Variants in PRKCE observed in about 807,000 individuals in gnomAD.
PRKCE encodes the protein protein kinase C epsilon.
In PRKCE, 16 loss-of-function variants were observed where a neutral mutation model predicts 85.4. That is an observed-to-expected ratio of 0.19 (90% CI 0.13 to 0.28). PRKCE has a LOEUF of 0.28. PRKCE is among the 10% of genes least tolerant of loss of function. The probability of loss-of-function intolerance (pLI) is 1.00; values close to 1 mark genes in which losing one functional copy is unlikely to be tolerated. For missense variants in PRKCE, 573 were observed against 975.2 expected (o/e 0.59, Z 5.49); for synonymous variants, 388 against 371.5 (o/e 1.04, Z -0.51).
intron 1 of PRKCE, among the ~76,000 whole-genome samples, chr2:45,797,413 C>G (rs1167578407): frequency 1.3e-5 from 2 of 152,242 alleles, no homozygotes; most frequent in Non-Finnish European, 2.9e-5. Context: ...TCAGTTTACA[C>G]CTGTGGACCC....
chr2:45,703,186 A>G (rs555535940), intron 1 of PRKCE, among the ~76,000 whole-genome samples: 21 of 151,922 alleles, frequency 1.4e-4, no homozygotes, highest in Admixed American at 7.9e-4. Flanking sequence ...GTTAGAGGCC[A>G]CAGTGCTGTT....
chr2:45,912,070 T>G (rs755912273), intron 2 of PRKCE, among the ~76,000 whole-genome samples: 1 of 152,176 alleles, frequency 6.6e-6, no homozygotes, highest in African/African-American at 2.4e-5. Flanking sequence ...TTTCAGGGTC[T>G]TTCTCTTTCC....
rs189524346 is a variant in PRKCE, at chr2:46,075,668, G to C, written c.1438-10540G>C. Among the ~76,000 whole-genome samples, 5 of 152,262 alleles carry C rather than the reference G, an allele frequency of 3.3e-5. No individual in the cohort carries two copies. In the South Asian group the frequency reaches 8.3e-4, roughly 25 times the overall value. ...GGAGACTGAGGTGAGAGGACTGCTT[G>C]AGCCTGGGAGGCCAAGGCTGCAGTG... On this transcript the variant is annotated intron_variant, in intron 10 of 14. Transcript: ENST00000306156.
At position 45,986,757 on chromosome 2, in the gene PRKCE, A is replaced by C. The variant is rs557356208; in HGVS notation, c.823+2077A>C. ...ACATGAGGAGGTGCTGACTGTGGAC[A>C]TGCCCAGCATCCTGTGAGCTTCCCG... is the stretch of plus-strand genomic sequence containing the variant. On this transcript the variant is annotated intron_variant, in intron 6 of 14. Transcript: ENST00000306156. Among the ~76,000 whole-genome samples, 13 of 152,312 alleles carry C rather than the reference A, an allele frequency of 8.5e-5. No homozygotes were observed. The East Asian group carries it at 1.4e-3, about 16-fold the overall frequency.
rs61760006 is a variant in PRKCE at position 46,184,691 on chromosome 2, G to C, written c.2068-44G>C. The C allele has an allele frequency of 3.3e-3, 5,210 of 1,590,162 alleles. 149 individuals carry two copies. In the African/African-American group the frequency reaches 0.06, roughly 18 times the overall value. ...CACTCCCCATGGGGGGCCCTCAGGA[G>C]GGAGAGCAGCCTCAACTCACCACTT... On this transcript the variant is annotated intron_variant, in intron 14 of 14. Coordinates refer to ENST00000306156, the MANE Select transcript of PRKCE (RefSeq NM_005400.3). This position sits in a 1 kb window ranked among gnomAD's most constrained non-coding sequence, Gnocchi z 5.0.
intron 11 of PRKCE, among the ~76,000 whole-genome samples, chr2:46,116,581 A>C (rs539752218): frequency 1.3e-5 from 2 of 152,250 alleles, no homozygotes; most frequent in East Asian, 3.9e-4. Context: ...CTTAACTGAA[A>C]TCAAGTGGGT....
rs183019114 is a variant in PRKCE at position 45,904,799 on chromosome 2, G to C, written c.412+61736G>C. On this transcript the variant is annotated intron_variant, in intron 2 of 14. Coordinates refer to ENST00000306156, the MANE Select transcript of PRKCE (RefSeq NM_005400.3). ...TGTCTCCCCGCTGCCCCAGAAGCCT[G>C]CCTTTTCTCCAGCCCTGCATGGGAC... Among the ~76,000 whole-genome samples the C allele has an allele frequency of 7.9e-5, 12 of 152,306 alleles. No homozygotes were observed. In the East Asian group the frequency reaches 2.3e-3, roughly 29 times the overall value.
chr2:45,893,819 C>T (rs1346687517), intron 2 of PRKCE, among the ~76,000 whole-genome samples: 1 of 152,144 alleles, frequency 6.6e-6, no homozygotes. Context: ...ATGCGGTGAG[C>T]TCCTGAGGAC....
At chr2:45,934,455 C>T (rs1221290402) in intron 2 of PRKCE, among the ~76,000 whole-genome samples, 1 of 151,910 alleles carries the variant, frequency 6.6e-6, no homozygotes, top group East Asian at 1.9e-4. Flanking sequence ...TTGAGACCAG[C>T]CTGGTCAACA....
At chr2:45,750,105 G>A (rs1467934580) in intron 1 of PRKCE, among the ~76,000 whole-genome samples, 1 of 152,178 alleles carries the variant, frequency 6.6e-6, no homozygotes, top group African/African-American at 2.4e-5. Context: ...AAGGGTTGGT[G>A]CATCCTGTTA....
intron 1 of PRKCE, among the ~76,000 whole-genome samples, chr2:45,745,148 A>G (rs956664818): frequency 2.6e-5 from 4 of 152,152 alleles, no homozygotes; most frequent in African/African-American, 4.8e-5. Flanking sequence ...GATCAATTCC[A>G]TCTTACAATT....
chr2:46,166,247 T>A (rs543296084), intron 14 of PRKCE, among the ~76,000 whole-genome samples: 5 of 152,238 alleles, frequency 3.3e-5, no homozygotes, highest in Non-Finnish European at 5.9e-5. Context: ...CCAGCCCACC[T>A]GCCTAGGGAC....
chr2:45,762,561 G>A (rs1415314079), intron 1 of PRKCE, among the ~76,000 whole-genome samples: 1 of 152,194 alleles, frequency 6.6e-6, no homozygotes, highest in Non-Finnish European at 1.5e-5. Context: ...GGCATCTTGT[G>A]CCTGGCTCTA....
At chr2:45,680,386 A>G (rs1164188710) in intron 1 of PRKCE, among the ~76,000 whole-genome samples, 1 of 152,216 alleles carries the variant, frequency 6.6e-6, no homozygotes, top group Non-Finnish European at 1.5e-5. Flanking sequence ...GTGAGAATGG[A>G]AAAAGAGAAT....
At chr2:45,886,027 G>A (rs1343523506) in intron 2 of PRKCE, among the ~76,000 whole-genome samples, 1 of 152,202 alleles carries the variant, frequency 6.6e-6, no homozygotes, top group Non-Finnish European at 1.5e-5. Flanking sequence ...CCTGGTCAGT[G>A]TGGCCTCCTG....
intron 11 of PRKCE, among the ~76,000 whole-genome samples, chr2:46,108,589 C>T (rs1373633700): frequency 3.3e-5 from 5 of 152,168 alleles, no homozygotes; most frequent in Non-Finnish European, 5.9e-5. Context: ...ACTGAAGACC[C>T]TGACATCACC....
At position 46,159,915 on chromosome 2, in the gene PRKCE, C is replaced by G; in HGVS notation, c.2067+163C>G. On this transcript the variant is annotated intron_variant, in intron 14 of 14. Coordinates refer to ENST00000306156, the MANE Select transcript of PRKCE (RefSeq NM_005400.3). This position sits in a 1 kb window ranked among gnomAD's most constrained non-coding sequence, Gnocchi z 4.1. ...TCTCCCTAAGACAATGTCTTTAGGC[C>G]CCAAGTGTTTACTATTGAAAACATG... The G allele has an allele frequency of 1.2e-6, 1 of 802,650 alleles. No individual in the cohort carries two copies. Among genetic ancestry groups the G allele is most frequent in the Non-Finnish European group, 1.8e-6 (1 of 541,604 alleles). 49.7% of individuals were successfully genotyped at this position (802,650 alleles called of 1,614,324 possible).
chr2:45,992,733 C>T (rs972568060), intron 6 of PRKCE, among the ~76,000 whole-genome samples: 26 of 152,176 alleles, frequency 1.7e-4, no homozygotes, highest in Non-Finnish European at 2.8e-4. Context: ...TGGAGGAATT[C>T]CCAGGAGCCT....
intron 2 of PRKCE, among the ~76,000 whole-genome samples, chr2:45,854,150 T>C (rs1355008395): frequency 6.6e-6 from 1 of 152,246 alleles, no homozygotes; most frequent in Non-Finnish European, 1.5e-5. Flanking sequence ...CAGAGGTTCC[T>C]GTACTGGTCC....
Sources: allele counts gnomAD v4.1 joint callset (sites outside exome capture counted in the v4.1 genomes callset), GRCh38; gene constraint gnomAD v4.1.1; non-coding constraint Gnocchi (gnomAD v3.1); transcripts MANE v1.5; gene names NCBI Gene and HGNC (gene_info 2026-07-23, HGNC 2026-07-21).